MTUS2: variants seen among roughly 807,000 people sequenced by gnomAD.
The protein encoded by MTUS2 is microtubule-associated tumor suppressor candidate 2.
In MTUS2, 40 loss-of-function variants were observed where a neutral mutation model predicts 114.1. The ratio of observed to expected loss-of-function variants is 0.35; its 90% CI spans 0.27 to 0.46. The LOEUF (loss-of-function observed/expected upper bound fraction) is 0.46. MTUS2 is among the 20% of genes least tolerant of loss of function. The probability of loss-of-function intolerance (pLI) is 1.00; values close to 1 mark genes in which losing one functional copy is unlikely to be tolerated. For synonymous variants in MTUS2, 688 were observed against 672.0 expected (o/e 1.02, Z -0.37); for missense variants, 1,679 against 1,705.4 (o/e 0.98, Z 0.27).
intron 2 of MTUS2, among the ~76,000 whole-genome samples, chr13:28,960,288 A>G (rs577352226): frequency 1.4e-4 from 22 of 152,224 alleles, no homozygotes; most frequent in African/African-American, 4.6e-4. Context: ...GTGGGATTAT[A>G]AAATGGTACA....
In MTUS2 at chr13:29,155,200, C is replaced by T. The variant is rs956398760; in HGVS notation, c.2644+54230C>T. On this transcript the variant is annotated intron_variant, in intron 5 of 15. Transcript: ENST00000612955. ...GTATTTGATGAAACTGGACTCTCTC[C>T]GATAGCGCTAAGCATGCTTTCTCAG... Among the ~76,000 whole-genome samples, 7 of 152,168 alleles carry T rather than the reference C, an allele frequency of 4.6e-5. 1 individual carries two copies. The highest frequency in any genetic ancestry group is 4.1e-4 in the South Asian group (2 of 4,830).
At chr13:29,399,872 C>T (rs1042850049) in intron 8 of MTUS2, among the ~76,000 whole-genome samples, 1 of 152,046 alleles carries the variant, frequency 6.6e-6, no homozygotes, top group Non-Finnish European at 1.5e-5. Context: ...CATGAATACT[C>T]GGAGTTAAAA....
rs1566172704 is a variant in MTUS2, at chr13:29,389,377, A to ACACGTGTGTG, written c.3117+29904_3117+29905insCACGTGTGTG. On this transcript the variant is annotated intron_variant, in intron 8 of 15. Transcript: ENST00000612955. ...TATATATGTATGCACGTGTGTGTAT[A>ACACGTGTGTG]TATGTATACACGTGTGTGTATATAT... is the stretch of plus-strand genomic sequence containing the variant. Among the ~76,000 whole-genome samples, 2 of 59,932 alleles carry ACACGTGTGTG rather than the reference A, an allele frequency of 3.3e-5. 1 individual carries two copies. The allele number at this position is 59,932 out of a possible 152,430, so 39.3% of individuals were successfully genotyped here.
At chr13:29,348,720 A>G (rs189967080) in intron 7 of MTUS2, among the ~76,000 whole-genome samples, 17 of 152,324 alleles carry the variant, frequency 1.1e-4, no homozygotes, top group African/African-American at 3.1e-4. Flanking sequence ...CCTTTCCTCC[A>G]TGTATTCTGA....
chr13:28,880,609 T>C lies in MTUS2; in HGVS notation c.-243+40759T>C, dbSNP rs566091545. On this transcript the variant is annotated intron_variant, in intron 2 of 15. Transcript: ENST00000612955. ...TGTAACATATGCATACTTTGGAAAA[T>C]TTGGGAAACTGTAAAAAGGAAAACC... Among the ~76,000 whole-genome samples, 11 of 152,230 alleles carry C rather than the reference T, an allele frequency of 7.2e-5. 1 individual carries two copies. In the South Asian group the frequency reaches 2.3e-3, roughly 32 times the overall value.
At chr13:29,483,669 G>A (rs886754715) in intron 10 of MTUS2, among the ~76,000 whole-genome samples, 1 of 152,138 alleles carries the variant, frequency 6.6e-6, no homozygotes, top group South Asian at 2.1e-4. Context: ...GGGACCTGAG[G>A]GGGTGGTGTT....
intron 8 of MTUS2, among the ~76,000 whole-genome samples, chr13:29,435,290 A>C (rs76627902): frequency 0.012 from 1,837 of 152,342 alleles, 46 homozygotes; most frequent in African/African-American, 0.041. Flanking sequence ...GATGATTAAC[A>C]CTGAGTTCTA....
intron 2 of MTUS2, among the ~76,000 whole-genome samples, chr13:28,975,431 C>A (rs1391776769): frequency 1.3e-5 from 2 of 149,734 alleles, no homozygotes; most frequent in African/African-American, 5.1e-5. Context: ...GTGGCTTCTT[C>A]GGCAGTTTAC....
chr13:29,200,521 G>GTTTTTTTTT (rs56965083), intron 5 of MTUS2, among the ~76,000 whole-genome samples: 1,831 of 85,234 alleles, frequency 0.021, 218 homozygotes, highest in East Asian at 0.045. Flanking sequence ...TTCTTTTTCT[G>GTTTTTTTTT]TTTTTTTTTT....
intron 2 of MTUS2, among the ~76,000 whole-genome samples, chr13:29,007,676 G>T (rs570990409): frequency 6.6e-5 from 10 of 152,262 alleles, no homozygotes; most frequent in Admixed American, 2.6e-4. Context: ...GAAGACCTTT[G>T]TGATGATCCA....
intron 2 of MTUS2, among the ~76,000 whole-genome samples, chr13:29,004,202 G>GTGCA (rs5802501): frequency 0.44 from 66,392 of 151,370 alleles, 15,139 homozygotes; most frequent in East Asian, 0.67. Flanking sequence ...CACATGTATT[G>GTGCA]TGCATGCATG....
At chr13:29,389,855 ATACATACATATG>A (rs1176089482) in intron 8 of MTUS2, among the ~76,000 whole-genome samples, 4 of 60,656 alleles carry the variant, frequency 6.6e-5, no homozygotes, top group African/African-American at 2.1e-4. Context: ...ATGTGTATAT[ATACATACATATG>A]TGTATATATA....
chr13:28,909,201 A>G (rs1304577898), intron 2 of MTUS2, among the ~76,000 whole-genome samples: 8 of 151,376 alleles, frequency 5.3e-5, no homozygotes, highest in African/African-American at 2.0e-4. Flanking sequence ...ATGAACTTTA[A>G]AGTAGTTTTT....
chr13:29,111,232 G>A (rs1047078970), intron 5 of MTUS2, among the ~76,000 whole-genome samples: 2 of 152,200 alleles, frequency 1.3e-5, no homozygotes, highest in African/African-American at 4.8e-5. Context: ...AATTAATGAT[G>A]CTTTCCCTCT....
At chr13:28,974,558 A>G (rs568888549) in intron 2 of MTUS2, among the ~76,000 whole-genome samples, 1 of 152,314 alleles carries the variant, frequency 6.6e-6, no homozygotes, top group African/African-American at 2.4e-5. Context: ...GAAATTCTGA[A>G]TAATACTCAT....
In MTUS2 at chr13:29,177,687, C is replaced by G. The variant is rs534471472; in HGVS notation, c.2644+76717C>G. ...AAAAACAGGTAATCCTACTTCCTTC[C>G]TGGAAACTTCTTTAAAACACTCAGC... is the stretch of plus-strand genomic sequence containing the variant. On this transcript the variant is annotated intron_variant, in intron 5 of 15. Transcript: ENST00000612955. Among the ~76,000 whole-genome samples, 5 of 152,260 alleles carry G rather than the reference C, an allele frequency of 3.3e-5. No individual in the cohort carries two copies. In the East Asian group the frequency reaches 9.7e-4, roughly 29 times the overall value.
At chr13:29,208,348 T>A (rs1895281897) in intron 5 of MTUS2, among the ~76,000 whole-genome samples, 1 of 152,068 alleles carries the variant, frequency 6.6e-6, no homozygotes, top group African/African-American at 2.4e-5. Flanking sequence ...TTGCTAATGG[T>A]CTATCAATTT....
At chr13:29,353,288 G>C (rs952496264) in intron 7 of MTUS2, among the ~76,000 whole-genome samples, 1 of 152,060 alleles carries the variant, frequency 6.6e-6, no homozygotes, top group Admixed American at 6.5e-5. Context: ...TCCCACATCA[G>C]TCTCCCAAGT....
At chr13:29,401,412 G>A (rs1874333215) in intron 8 of MTUS2, among the ~76,000 whole-genome samples, 1 of 152,064 alleles carries the variant, frequency 6.6e-6, no homozygotes, top group South Asian at 2.1e-4. Flanking sequence ...TATGTCTTAT[G>A]GGTTTGATTC....
Sources: gnomAD v4.1 joint callset for allele counts (sites outside exome capture counted in the v4.1 genomes callset) on GRCh38, gnomAD v4.1.1 for gene constraint, MANE v1.5 for transcripts, NCBI Gene and HGNC (gene_info 2026-07-23, HGNC 2026-07-21) for gene names.